ANK2: variants seen among roughly 807,000 people sequenced by gnomAD.
ANK2 encodes ankyrin-2.
Under a neutral mutation model 360.5 loss-of-function variants are expected in ANK2, and 83 were observed. That is an observed-to-expected ratio of 0.23 (90% CI 0.19 to 0.28). The LOEUF is 0.28. Among genes scored for constraint, ANK2 ranks in the 10% least tolerant of loss-of-function variants. ANK2 has a pLI of 1.00. For missense variants in ANK2, 4,201 were observed against 4,795.7 expected (o/e 0.88, Z 3.66); for synonymous variants, 1,740 against 1,759.5 (o/e 0.99, Z 0.28).
At chr4:113,379,177 A>G (rs2097078366) in intron 45 of ANK2, among the ~76,000 whole-genome samples, 1 of 152,200 alleles carries the variant, frequency 6.6e-6, no homozygotes, top group African/African-American at 2.4e-5. Flanking sequence ...TAAGGATAAA[A>G]TGCCTTTTAT....
chr4:112,835,724 G>A (rs1399058028), intron 1 of ANK2, among the ~76,000 whole-genome samples: 1 of 152,096 alleles, frequency 6.6e-6, no homozygotes, highest in African/African-American at 2.4e-5. Context: ...CTATCAAAAT[G>A]CTTGGTAAAG....
At chr4:112,815,897 G>A (rs2055589320), upstream of ANK2, among the ~76,000 whole-genome samples, 1 of 152,158 alleles carries the variant, frequency 6.6e-6, no homozygotes, top group Non-Finnish European at 1.5e-5. Flanking sequence ...CTGTTCATTT[G>A]TGTACTTTAT....
At chr4:113,282,005 C>T (rs1052927807) in intron 17 of ANK2, among the ~76,000 whole-genome samples, 1 of 152,154 alleles carries the variant, frequency 6.6e-6, no homozygotes, top group Non-Finnish European at 1.5e-5. Context: ...ATTGTATTCC[C>T]ACACCTAGCA....
chr4:113,274,483 G>A lies in ANK2; in HGVS notation c.1517G>A (p.Arg506His), dbSNP rs760370075. The A allele has an allele frequency of 8.1e-6, 13 of 1,613,982 alleles. No homozygotes were observed. The highest frequency in any genetic ancestry group is 4.5e-5 in the East Asian group (2 of 44,884). The change falls in exon 15 of 46, where the codon CGC becomes CAC. Residue 506 changes from arginine (R) to histidine (H), a missense_variant. Coordinates refer to ENST00000357077, the MANE Select transcript of ANK2 (RefSeq NM_001148.6). The part of the protein sequence containing the change: ...EEQTPLHIAS[R>H]LGKTEIVQLL... ...CAGACACCTTTACATATTGCCTCCC[G>A]CCTGGGTAAGACAGAAATTGTCCAG...
At chr4:112,849,096 G>T (rs2064017327) in intron 1 of ANK2, among the ~76,000 whole-genome samples, 1 of 152,206 alleles carries the variant, frequency 6.6e-6, no homozygotes, top group African/African-American at 2.4e-5. Flanking sequence ...TCTGTATGGA[G>T]GCCAAAGTTA....
intron 8 of ANK2, among the ~76,000 whole-genome samples, chr4:113,241,093 A>G (rs894955336): frequency 4.6e-5 from 7 of 152,224 alleles, no homozygotes; most frequent in Non-Finnish European, 8.8e-5. Context: ...CACTTACATG[A>G]TAATGGTATA....
chr4:113,338,543 CTTTTTTTT>C (rs71582166), intron 31 of ANK2, among the ~76,000 whole-genome samples: 3 of 96,118 alleles, frequency 3.1e-5, no homozygotes, highest in African/African-American at 9.6e-5. Flanking sequence ...AGATTGTTCA[CTTTTTTTT>C]TTTTTTTTTT....
chr4:113,313,338 CT>C (rs2081092845), intron 24 of ANK2, among the ~76,000 whole-genome samples: 1 of 152,150 alleles, frequency 6.6e-6, no homozygotes, highest in African/African-American at 2.4e-5. Flanking sequence ...TTGATTTGAT[CT>C]GTTTTTCTTC....
intron 4 of ANK2, among the ~76,000 whole-genome samples, chr4:113,210,602 AAGTTATCTCC>A: frequency 6.6e-6 from 1 of 152,214 alleles, no homozygotes; most frequent in Non-Finnish European, 1.5e-5. Context: ...GACCTTGGAC[AAGTTATCTCC>A]CATTTCTGTG....
chr4:113,175,567 T>C (rs978541687), intron 2 of ANK2, among the ~76,000 whole-genome samples: 2 of 152,148 alleles, frequency 1.3e-5, no homozygotes, highest in Non-Finnish European at 2.9e-5. Flanking sequence ...CTTAACAGAG[T>C]TGTCATAACA....
chr4:113,014,392 A>T (rs1317732988), intron 2 of ANK2, among the ~76,000 whole-genome samples: 1 of 151,998 alleles, frequency 6.6e-6, no homozygotes, highest in Admixed American at 6.6e-5. Context: ...CCCTAGGAGG[A>T]TTCTATTATT....
rs2094340698 is a variant in ANK2, at chr4:113,341,916, G to A, written c.4122G>A (p.Glu1374=). ...FAEVARSRDV[E]VLEGKPIYVD... ...AGGTGGCCAGAAGCAGGGATGTGGA[G>A]GTACTGTACCAAAAATAATAATAAT... Residue 1374 remains glutamate, a splice_region_variant and synonymous_variant, in exon 33 of 46, where the codon GAG becomes GAA. Coordinates refer to ENST00000357077, the MANE Select transcript of ANK2 (RefSeq NM_001148.6). 1 of 1,601,052 alleles carries A rather than the reference G, an allele frequency of 6.2e-7. No individual in the cohort carries two copies. Among genetic ancestry groups the A allele is most frequent in the Non-Finnish European group, 8.5e-7 (1 of 1,170,310 alleles).
chr4:112,936,046 T>C (rs59616498), intron 2 of ANK2, among the ~76,000 whole-genome samples: 4,142 of 152,286 alleles, frequency 0.027, 78 homozygotes, highest in South Asian at 0.052. Context: ...AGAAAGACTG[T>C]TGCTAAGTTA....
the ANK2 span, among the ~76,000 whole-genome samples, chr4:112,779,698 A>G: frequency 6.6e-6 from 1 of 152,216 alleles, no homozygotes; most frequent in African/African-American, 2.4e-5. Flanking sequence ...AGTACTCTAA[A>G]TGTTTTATGG....
In ANK2 at chr4:113,382,461, A is replaced by G. The variant is rs2097187696; in HGVS notation, c.*990A>G. Reference sequence around the variant, plus strand: ...TTGGACAAGTTGGCAGGGTATTTTAAAAGCTATAACTACTGTAGTTTTCCA... The same window carrying G: ...TTGGACAAGTTGGCAGGGTATTTTAGAAGCTATAACTACTGTAGTTTTCCA... On this transcript the variant is annotated 3_prime_UTR_variant, in exon 46 of 46. Coordinates refer to ENST00000357077, the MANE Select transcript of ANK2 (RefSeq NM_001148.6). 3 of 152,702 alleles carry G rather than the reference A, an allele frequency of 2.0e-5. No homozygotes were observed. Among genetic ancestry groups the G allele is most frequent in the African/African-American group, 7.2e-5 (3 of 41,452 alleles). The allele number at this position is 152,702 out of a possible 1,614,324, so 9.5% of individuals were successfully genotyped here. A position where few individuals can be genotyped will look rare whatever the true frequency, so the allele number is the denominator to read the frequency against.
rs895457906 is a variant in ANK2 at position 113,374,728 on chromosome 4, T to A, written c.11859+1279T>A. 238 of 1,007,832 alleles carry A rather than the reference T, an allele frequency of 2.4e-4. 1 individual carries two copies. The highest frequency in any genetic ancestry group is 2.8e-4 in the Non-Finnish European group (232 of 838,800). The allele number at this position is 1,007,832 out of a possible 1,614,324, so 62.4% of individuals were successfully genotyped here. A position where few individuals can be genotyped will look rare whatever the true frequency, so the allele number is the denominator to read the frequency against. On this transcript the variant is annotated intron_variant, in intron 45 of 45. Coordinates refer to ENST00000357077, the MANE Select transcript of ANK2 (RefSeq NM_001148.6). ...AATTCATCATAGTTACATTTGGCAA[T>A]CAGACATTGTCTATTGTGTGTCCTT...
the ANK2 span, among the ~76,000 whole-genome samples, chr4:112,771,647 G>A: frequency 9.2e-4 from 140 of 151,562 alleles, no homozygotes; most frequent in African/African-American, 3.3e-3. Context: ...GTGCAGTGGC[G>A]TGATCTCAGC....
At chr4:113,258,186 C>T (rs747981056) in intron 12 of ANK2, 38 bp downstream of exon 12, 2 of 1,581,584 alleles carry the variant, frequency 1.3e-6, no homozygotes, top group Non-Finnish European at 1.7e-6. Flanking sequence ...AGCATTCCTT[C>T]TCTTACTCCT....
chr4:112,730,353 C>T, the ANK2 span, among the ~76,000 whole-genome samples: 1,833 of 150,790 alleles, frequency 0.012, 10 homozygotes, highest in Admixed American at 0.019. Flanking sequence ...TTGAAAATTG[C>T]TGGCCAGGCG....
Sources: gnomAD v4.1 joint callset for allele counts (sites outside exome capture counted in the v4.1 genomes callset) on GRCh38, gnomAD v4.1.1 for gene constraint, MANE v1.5 for transcripts, NCBI Gene and HGNC (gene_info 2026-07-23, HGNC 2026-07-21) for gene names.